Variants in FRYL observed in about 807,000 individuals in gnomAD.
FRYL encodes FRY like transcription coactivator.
Under a neutral mutation model 351.2 loss-of-function variants are expected in FRYL, and 150 were observed. That is an observed-to-expected ratio of 0.43 (90% confidence interval 0.37 to 0.49). FRYL has a LOEUF of 0.49. Ranked by LOEUF, FRYL falls within the 20% of genes least tolerant of loss-of-function variation. The probability of loss-of-function intolerance (pLI) is 0.00; values close to 1 mark genes in which losing one functional copy is unlikely to be tolerated. For missense variants in FRYL, 3,036 were observed against 3,619.3 expected, an observed-to-expected ratio of 0.84 and a Z score of 4.13; for synonymous variants, 1,153 against 1,257.1, an observed-to-expected ratio of 0.92 and a Z score of 1.75.
At chr4:48,543,559 G>A (rs1730690943) in intron 44 of FRYL, among the ~76,000 whole-genome samples, 2 of 152,090 alleles carry the variant, frequency 1.3e-5, no homozygotes, top group African/African-American at 4.8e-5. Flanking sequence ...GATCTTGGGG[G>A]TGGGGTGTTG....
At chr4:48,627,471 T>C (rs1752058024) in intron 4 of FRYL, among the ~76,000 whole-genome samples, 1 of 152,198 alleles carries the variant, frequency 6.6e-6, no homozygotes, top group African/African-American at 2.4e-5. Flanking sequence ...TTAACATTTA[T>C]TTGTTTCATA....
At chr4:48,584,447 G>A (rs1381952880) in intron 19 of FRYL, among the ~76,000 whole-genome samples, 7 of 152,160 alleles carry the variant, frequency 4.6e-5, no homozygotes, top group East Asian at 1.9e-4. Flanking sequence ...ACAGACTGAG[G>A]AGTAAGCAAC....
At chr4:48,539,054 A>G (rs1434706185) in intron 47 of FRYL, among the ~76,000 whole-genome samples, 1 of 152,222 alleles carries the variant, frequency 6.6e-6, no homozygotes. Flanking sequence ...ACAAATGTTA[A>G]CAGATGATTT....
At chr4:48,639,590 T>C (rs907409558) in intron 3 of FRYL, among the ~76,000 whole-genome samples, 7 of 151,834 alleles carry the variant, frequency 4.6e-5, no homozygotes, top group African/African-American at 1.5e-4. Flanking sequence ...CCCTAGAAGA[T>C]AGGAGAAAAT....
intron 4 of FRYL, among the ~76,000 whole-genome samples, chr4:48,634,009 G>C (rs969681640): frequency 5.3e-5 from 8 of 152,074 alleles, no homozygotes; most frequent in Non-Finnish European, 1.2e-4. Context: ...TTTATTATAA[G>C]TTTGGCTGTG....
chr4:48,634,308 C>G lies in FRYL; in HGVS notation c.103G>C (p.Val35Leu). The change falls in exon 4 of 64, where the codon GTA becomes CTA. Residue 35 changes from valine (V) to leucine (L), a missense_variant. By Grantham distance (32) the Val-to-Leu change is conservative. This residue lies in a region of FRYL where 457 missense variants were observed against 566.6 expected (regional missense o/e 0.81). Coordinates refer to ENST00000358350, the MANE Select transcript of FRYL (RefSeq NM_015030.2). ...AVQAEKKIEVVMAEPLEKLLS... is the reference protein window; with the variant it reads ...AVQAEKKIEVLMAEPLEKLLS... ...GTACTCACCAAGGGTTCGGCCATTA[C>G]AACTTCAATTTTCTTTTCAGCTTGA... 6.2e-7 allele frequency: 1 copy of G among 1,613,294 alleles called. No individual in the cohort carries two copies. The highest frequency in any genetic ancestry group is 8.5e-7 in the Non-Finnish European group (1 of 1,179,386).
chr4:48,647,845 G>A (rs537373219), intron 3 of FRYL, among the ~76,000 whole-genome samples: 38 of 152,146 alleles, frequency 2.5e-4, no homozygotes, highest in Admixed American at 9.8e-4. Flanking sequence ...GGGATGATAA[G>A]AGTATTCTGA....
At chr4:48,531,704 T>A (rs1190140758) in intron 49 of FRYL, among the ~76,000 whole-genome samples, 1 of 152,234 alleles carries the variant, frequency 6.6e-6, no homozygotes, top group African/African-American at 2.4e-5. Flanking sequence ...TTTAGCTGAA[T>A]GAAGTTTATA....
In FRYL at chr4:48,565,828, G is replaced by A. The variant is rs182690410; in HGVS notation, c.3170-137C>T. On this transcript the variant is annotated intron_variant, in intron 28 of 63. Coordinates refer to ENST00000358350, the MANE Select transcript of FRYL (RefSeq NM_015030.2). ...ATTTTAAACTATCAAAAACCTCCGC[G>A]GTAGCAGGGATCATTTATATATATG... 4.0e-4 allele frequency: 321 copies of A among 802,254 alleles called. 1 individual carries two copies. In the African/African-American group the frequency reaches 4.6e-3, roughly 12 times the overall value. 49.7% of individuals were successfully genotyped at this position (802,254 alleles called of 1,614,324 possible).
rs751828616 is a variant in FRYL at position 48,543,954 on chromosome 4, T to C, written c.5445A>G (p.Gln1815=). The C allele has an allele frequency of 1.2e-6, 2 of 1,613,826 alleles. No individual in the cohort carries two copies. Among genetic ancestry groups the C allele is most frequent in the South Asian group, 1.1e-5 (1 of 91,076 alleles). Reference sequence around the variant, plus strand: ...GTCGAGAAGAACAGGAAAGTGCTGTTTGCAGAGCAACTTCACTAAGATGAT... The same window carrying C: ...GTCGAGAAGAACAGGAAAGTGCTGTCTGCAGAGCAACTTCACTAAGATGAT... ...LEHHLSEVAL[Q]TALSCSSRHY... The change falls in exon 44 of 64, where the codon CAA becomes CAG. Residue 1815 remains glutamine, a synonymous_variant. Coordinates refer to ENST00000358350, the MANE Select transcript of FRYL (RefSeq NM_015030.2).
chr4:48,573,370 CTAT>C, intron 25 of FRYL, 127 bp from the exon 26 acceptor site: 1 of 609,578 alleles, frequency 1.6e-6, no homozygotes, highest in South Asian at 2.4e-5. Context: ...AACACAATGT[CTAT>C]TTTTTTATTT....
chr4:48,580,269 T>G (rs988087870), intron 22 of FRYL, among the ~76,000 whole-genome samples: 3 of 152,110 alleles, frequency 2.0e-5, no homozygotes, highest in African/African-American at 7.2e-5. Flanking sequence ...TATTCTTACA[T>G]CAACTTTGGA....
At position 48,499,473 on chromosome 4, in the gene FRYL, T is replaced by A; in HGVS notation, c.8991A>T (p.Gln2997His). 3.1e-6 allele frequency: 5 copies of A among 1,613,948 alleles called. No homozygotes were observed. Among genetic ancestry groups the A allele is most frequent in the Non-Finnish European group, 4.2e-6 (5 of 1,179,806 alleles). The part of the protein sequence containing the change: ...RESLRMVQSY[Q>H]LLAQAKPMGN... ...CCATTGGTTTGGCCTGTGCTAGAAG[T>A]TGGTATGATTGCACCATGCGTAGAG... The change falls in exon 64 of 64, where the codon CAA (glutamine) becomes CAT (histidine). Residue 2997 changes from glutamine (Q) to histidine (H), a missense_variant. Gln to His is a conservative substitution (Grantham distance 24). Coordinates refer to ENST00000358350, the MANE Select transcript of FRYL (RefSeq NM_015030.2).
chr4:48,524,025 T>C lies in FRYL; in HGVS notation c.7318-921A>G, dbSNP rs190170863. Among the ~76,000 whole-genome samples the C allele has an allele frequency of 5.3e-5, 8 of 152,312 alleles. No homozygotes were observed. The East Asian group carries it at 1.3e-3, about 26-fold the overall frequency. ...AGGATTTATATAAGTTATGTTTCTG[T>C]TATTCTAAGCTGCTCCTCCTTTTGT... is the stretch of plus-strand genomic sequence containing the variant. On this transcript the variant is annotated intron_variant, in intron 53 of 63. Coordinates refer to ENST00000358350, the MANE Select transcript of FRYL (RefSeq NM_015030.2).
rs762671400 is a variant in FRYL, at chr4:48,510,858, T to C, written c.8272A>G (p.Thr2758Ala). The C allele has an allele frequency of 2.1e-5, 34 of 1,613,016 alleles. No homozygotes were observed. The highest frequency in any genetic ancestry group is 5.0e-5 in the Admixed American group (3 of 59,858). Residue 2758 changes from threonine to alanine, a missense_variant, in exon 58 of 64, where the codon ACA becomes GCA. Physicochemically the swap from Thr to Ala is moderately conservative, Grantham distance 58. Around this residue, in one of 7 missense-constraint regions of FRYL, gnomAD observed 1,987 missense variants for 2,311.7 expected, o/e 0.86. Transcript: ENST00000358350. ...EVMMLCSECPTVFVDAETLMS... is the reference protein window; with the variant it reads ...EVMMLCSECPAVFVDAETLMS... The stretch of plus-strand genomic sequence containing the variant: ...ACTGTTTCAGCATCCACAAAGACTG[T>C]TGGGCATTCTGAACACAGCATCATC...
chr4:48,765,859 G>C (rs1480776611), intron 1 of FRYL, among the ~76,000 whole-genome samples: 1 of 152,154 alleles, frequency 6.6e-6, no homozygotes, highest in Non-Finnish European at 1.5e-5. Flanking sequence ...TCCAAAGGAA[G>C]ACATACAAAC....
intron 3 of FRYL, among the ~76,000 whole-genome samples, chr4:48,681,355 TG>T (rs1212074090): frequency 2.6e-5 from 4 of 152,150 alleles, no homozygotes; most frequent in Admixed American, 6.5e-5. Context: ...ACCATGAAAC[TG>T]CCCTTCATGT....
At chr4:48,688,494 A>G (rs989672976) in intron 2 of FRYL, among the ~76,000 whole-genome samples, 6 of 152,164 alleles carry the variant, frequency 3.9e-5, no homozygotes, top group African/African-American at 1.4e-4. Flanking sequence ...TTAAAAAAAT[A>G]TTTATGGTCA....
intron 3 of FRYL, among the ~76,000 whole-genome samples, chr4:48,657,770 AT>A (rs33917202): frequency 0.98 from 149,822 of 152,282 alleles, 73,737 homozygotes; most frequent in East Asian, 1. Flanking sequence ...GTTTTAAAAC[AT>A]TTTTTAAGAA....
Sources: gnomAD v4.1 joint callset for allele counts (sites outside exome capture counted in the v4.1 genomes callset) on GRCh38, gnomAD v4.1.1 for gene constraint, gnomAD v4.1.1 regional missense constraint, MANE v1.5 for transcripts, NCBI Gene and HGNC (gene_info 2026-07-23, HGNC 2026-07-21) for gene names.